The following RAI14 variants were observed in gnomAD, a reference collection of about 807,000 sequenced individuals.
RAI14 encodes retinoic acid induced 14.
A neutral mutation model predicts 115.4 loss-of-function variants in RAI14; 45 were observed. That is an observed-to-expected ratio of 0.39 (90% CI 0.31 to 0.50). RAI14 has a LOEUF of 0.50. RAI14 is among the 20% of genes least tolerant of loss of function. The pLI is 0.85. For missense variants in RAI14, 939 were observed against 1,131.2 expected (o/e 0.83, Z 2.44); for synonymous variants, 371 against 415.4 (o/e 0.89, Z 1.30).
chr5:34,825,115 A>G (rs185027788), intron 15 of RAI14, among the ~76,000 whole-genome samples: 1 of 152,194 alleles, frequency 6.6e-6, no homozygotes, highest in African/African-American at 2.4e-5. Context: ...TCTGTACAAA[A>G]AATTTAAAAA....
intron 5 of RAI14, among the ~76,000 whole-genome samples, chr5:34,805,762 A>C (rs1222914317): frequency 1.3e-5 from 2 of 152,076 alleles, no homozygotes; most frequent in Admixed American, 6.6e-5. Flanking sequence ...AATCACTTGA[A>C]CCTGGGAGGT....
chr5:34,727,613 T>A (rs1387062661), intron 2 of RAI14, among the ~76,000 whole-genome samples: 1 of 152,126 alleles, frequency 6.6e-6, no homozygotes, highest in Non-Finnish European at 1.5e-5. Context: ...GTGTCCTGCA[T>A]ACCACCTGCT....
At chr5:34,789,856 ATAAG>A (rs910263683) in intron 3 of RAI14, among the ~76,000 whole-genome samples, 3 of 152,200 alleles carry the variant, frequency 2.0e-5, no homozygotes, top group African/African-American at 4.8e-5. Flanking sequence ...ATAGAGCCTA[ATAAG>A]TAAGGAAGCA....
At chr5:34,676,772 T>C (rs1744007540) in intron 1 of RAI14, among the ~76,000 whole-genome samples, 1 of 152,216 alleles carries the variant, frequency 6.6e-6, no homozygotes, top group Non-Finnish European at 1.5e-5. Flanking sequence ...AGGAGATGAA[T>C]GGTCTCAAAA....
intron 12 of RAI14, among the ~76,000 whole-genome samples, chr5:34,817,073 C>T (rs571925824): frequency 2.0e-4 from 31 of 151,812 alleles, no homozygotes; most frequent in Middle Eastern, 3.4e-3. Context: ...GTCAGGAGAT[C>T]GAGACCGTCC....
At chr5:34,731,462 G>A (rs1580062056) in intron 2 of RAI14, among the ~76,000 whole-genome samples, 1 of 152,226 alleles carries the variant, frequency 6.6e-6, no homozygotes, top group Non-Finnish European at 1.5e-5. Flanking sequence ...GTGTATTTGT[G>A]CATCTACTTA....
In RAI14 at chr5:34,826,409, C is replaced by T. The variant is rs777522933; in HGVS notation, c.2729C>T (p.Ser910Leu). 8 of 1,614,004 alleles carry T rather than the reference C, an allele frequency of 5.0e-6. No individual in the cohort carries two copies. In the South Asian group the frequency reaches 6.6e-5, roughly 13 times the overall value. ...TCCCAGCTCTCCTACTCAACAAGCT[C>T]ATCCAAAAGGCAGAGTCAGCAGCTG... Reference protein sequence around the residue: ...SLSQLSYSTSSSKRQSQQLEA... With the variant: ...SLSQLSYSTSLSKRQSQQLEA... Residue 910 changes from serine to leucine, a missense_variant, in exon 16 of 18, where the codon TCA (serine) becomes TTA (leucine). Transcript: ENST00000265109.
chr5:34,811,215 T>A, intron 8 of RAI14, 97 bp downstream of exon 8: 1 of 1,372,526 alleles, frequency 7.3e-7, no homozygotes, highest in Non-Finnish European at 1.0e-6. Flanking sequence ...TCATTTGTTA[T>A]AAGGGATTTT....
chr5:34,748,253 T>C (rs1354287164), intron 2 of RAI14, among the ~76,000 whole-genome samples: 1 of 152,164 alleles, frequency 6.6e-6, no homozygotes, highest in Non-Finnish European at 1.5e-5. Flanking sequence ...GTGTGAATAA[T>C]CTTAAGCAAA....
intron 3 of RAI14, among the ~76,000 whole-genome samples, chr5:34,790,767 CATAT>C (rs4001958): frequency 0.014 from 1,974 of 144,858 alleles, 45 homozygotes; most frequent in African/African-American, 0.047. Context: ...TGTATATATA[CATAT>C]ATATATATAT....
chr5:34,711,548 CAG>C (rs1343647732), intron 2 of RAI14, among the ~76,000 whole-genome samples: 3 of 152,342 alleles, frequency 2.0e-5, no homozygotes, highest in African/African-American at 7.2e-5. Flanking sequence ...GTGCAAGTCA[CAG>C]GGGATGCGAT....
chr5:34,769,602 A>G (rs902422428), intron 3 of RAI14, among the ~76,000 whole-genome samples: 2 of 152,204 alleles, frequency 1.3e-5, no homozygotes, highest in Non-Finnish European at 2.9e-5. Context: ...CTTTTAGAGG[A>G]GAAAAGGCTT....
chr5:34,691,661 A>G (rs1738617036), intron 2 of RAI14, among the ~76,000 whole-genome samples: 1 of 152,204 alleles, frequency 6.6e-6, no homozygotes, highest in Non-Finnish European at 1.5e-5. Context: ...ACACATCTTG[A>G]GAAATGCCAC....
At chr5:34,760,480 T>TC (rs1748491655) in intron 3 of RAI14, among the ~76,000 whole-genome samples, 1 of 152,262 alleles carries the variant, frequency 6.6e-6, no homozygotes, top group African/African-American at 2.4e-5. Flanking sequence ...CCCTTTTGAA[T>TC]CACTACTCGG....
intron 3 of RAI14, among the ~76,000 whole-genome samples, chr5:34,782,963 TACAAATA>T (rs1477804115): frequency 2.0e-5 from 3 of 152,220 alleles, no homozygotes; most frequent in African/African-American, 7.2e-5. Context: ...CAATTCTGTT[TACAAATA>T]GGTTTTTGAG....
intron 3 of RAI14, among the ~76,000 whole-genome samples, chr5:34,781,372 AAAT>A (rs1751615108): frequency 6.6e-6 from 1 of 152,218 alleles, no homozygotes; most frequent in Non-Finnish European, 1.5e-5. Flanking sequence ...TAATTTAAAA[AAAT>A]AATAAAAAAA....
At chr5:34,752,377 G>A (rs1747146000) in intron 2 of RAI14, among the ~76,000 whole-genome samples, 1 of 152,150 alleles carries the variant, frequency 6.6e-6, no homozygotes, top group East Asian at 1.9e-4. Context: ...GGTAAGAAAT[G>A]AAGACTGTTC....
chr5:34,828,172 G>C (rs1330330666), intron 16 of RAI14, among the ~76,000 whole-genome samples: 1 of 152,136 alleles, frequency 6.6e-6, no homozygotes, highest in African/African-American at 2.4e-5. Context: ...AGTAGGGGTT[G>C]GGGGAAGCCT....
At position 34,677,487 on chromosome 5, in the gene RAI14, C is replaced by T. The variant is rs528314193; in HGVS notation, c.-48-9385C>T. 2.6e-4 allele frequency among the ~76,000 whole-genome samples: 40 copies of T among 151,614 alleles called. 1 individual carries two copies. In the South Asian group the frequency reaches 8.3e-3, roughly 31 times the overall value. On this transcript the variant is annotated intron_variant, in intron 1 of 17. Coordinates refer to ENST00000265109, the MANE Select transcript of RAI14 (RefSeq NM_015577.3). ...TTTAAAATGGGGTCTCACTCTGTCTCCCAGGCTGGAGTGTAGTGACAATCA... is the reference window on the plus strand; with the variant it reads ...TTTAAAATGGGGTCTCACTCTGTCTTCCAGGCTGGAGTGTAGTGACAATCA...
Sources: allele counts gnomAD v4.1 joint callset (sites outside exome capture counted in the v4.1 genomes callset), GRCh38; gene constraint gnomAD v4.1.1; transcripts MANE v1.5; gene names NCBI Gene and HGNC (gene_info 2026-07-23, HGNC 2026-07-21).